Variants in CHRM3 observed in about 807,000 individuals in gnomAD.
CHRM3 encodes cholinergic receptor muscarinic 3, also known as muscarinic acetylcholine receptor M3.
CHRM3 carries 11 observed loss-of-function variants against 41.8 expected under a neutral mutation model. The observed-to-expected ratio is 0.26, with a 90% CI of 0.17 to 0.44. CHRM3 has a LOEUF of 0.44. CHRM3 is among the 20% of genes least tolerant of loss of function. The pLI, the probability that CHRM3 is intolerant of heterozygous loss-of-function variation, is 1.00. For missense variants in CHRM3, 571 were observed against 745.4 expected (o/e 0.77, Z 2.72); for synonymous variants, 297 against 301.4 (o/e 0.99, Z 0.15).
intron 5 of CHRM3, among the ~76,000 whole-genome samples, chr1:239,701,147 T>G (rs977886131): frequency 3.3e-5 from 5 of 152,228 alleles, no homozygotes; most frequent in African/African-American, 4.8e-5. Context: ...TCCACTCTTT[T>G]ACTTGTGCAG....
chr1:239,699,381 A>G (rs1453592629), intron 5 of CHRM3, among the ~76,000 whole-genome samples: 1 of 152,110 alleles, frequency 6.6e-6, no homozygotes, highest in Non-Finnish European at 1.5e-5. Context: ...GAGCCCTTAT[A>G]AGAAGAGATA....
At chr1:239,675,523 C>T (rs1045321085) in intron 4 of CHRM3, among the ~76,000 whole-genome samples, 2 of 152,046 alleles carry the variant, frequency 1.3e-5, no homozygotes, top group African/African-American at 2.4e-5. Flanking sequence ...TGTCTCATAC[C>T]CAGTGTCTGT....
In CHRM3 at chr1:239,518,761, A is replaced by G. The variant is rs1394296739; in HGVS notation, c.-422+25954A>G. On this transcript the variant is annotated intron_variant, in intron 2 of 6. Transcript: ENST00000676153. Reference sequence around the variant, plus strand: ...TGAAATCTCCTTGTCTGAAAGACAGAGGCATGGTGGCCAGGCTACCAAGGC... The same window carrying G: ...TGAAATCTCCTTGTCTGAAAGACAGGGGCATGGTGGCCAGGCTACCAAGGC... Among the ~76,000 whole-genome samples the G allele has an allele frequency of 5.9e-5, 9 of 152,218 alleles. No individual in the cohort carries two copies. In the East Asian group the frequency reaches 1.7e-3, roughly 29 times the overall value.
chr1:239,533,069 A>C (rs1335435412), intron 2 of CHRM3, among the ~76,000 whole-genome samples: 3 of 152,148 alleles, frequency 2.0e-5, no homozygotes, highest in Non-Finnish European at 2.9e-5. Flanking sequence ...AGGTCAAATA[A>C]CCTCAAGTTT....
chr1:239,841,432 C>G (rs1184040820), intron 6 of CHRM3, among the ~76,000 whole-genome samples: 1 of 152,094 alleles, frequency 6.6e-6, no homozygotes, highest in Non-Finnish European at 1.5e-5. Context: ...TCATTGTGTG[C>G]AGATTCGCAA....
chr1:239,488,781 A>G (rs116496568), intron 1 of CHRM3, among the ~76,000 whole-genome samples: 4,342 of 147,560 alleles, frequency 0.029, 161 homozygotes, highest in African/African-American at 0.084. Context: ...AGATGTTGAT[A>G]CAGGTATAAG....
intron 3 of CHRM3, among the ~76,000 whole-genome samples, chr1:239,627,723 G>C (rs1352622195): frequency 7.3e-6 from 1 of 137,680 alleles, no homozygotes; most frequent in African/African-American, 2.8e-5. Context: ...CTCAGCATTT[G>C]CTTGTCTATA....
intron 3 of CHRM3, among the ~76,000 whole-genome samples, chr1:239,604,117 C>T (rs1036009660): frequency 2.0e-5 from 3 of 152,142 alleles, no homozygotes; most frequent in Non-Finnish European, 4.4e-5. Context: ...ACATCTTCTT[C>T]TTTGTTGTTC....
intron 4 of CHRM3, among the ~76,000 whole-genome samples, chr1:239,637,352 G>A (rs944110596): frequency 2.4e-4 from 36 of 151,660 alleles, no homozygotes; most frequent in African/African-American, 7.5e-4. Flanking sequence ...AGTATTTCAC[G>A]TTAAAAATTT....
At chr1:239,870,479 A>G (rs762821772) in intron 6 of CHRM3, among the ~76,000 whole-genome samples, 4 of 152,192 alleles carry the variant, frequency 2.6e-5, no homozygotes, top group Non-Finnish European at 5.9e-5. Context: ...GGAGCGCTAG[A>G]CAGGCCAGCA....
chr1:239,776,517 C>T (rs543408431), intron 5 of CHRM3, among the ~76,000 whole-genome samples: 85 of 152,218 alleles, frequency 5.6e-4, no homozygotes, highest in African/African-American at 2.0e-3. Context: ...TCCTTATCCC[C>T]TGGCAGATAG....
At chr1:239,762,193 C>T (rs893556940) in intron 5 of CHRM3, among the ~76,000 whole-genome samples, 1 of 152,148 alleles carries the variant, frequency 6.6e-6, no homozygotes, top group African/African-American at 2.4e-5. Flanking sequence ...CTTTTCATCT[C>T]CTTTAATACT....
chr1:239,681,381 A>T, intron 5 of CHRM3, among the ~76,000 whole-genome samples: 1 of 152,236 alleles, frequency 6.6e-6, no homozygotes, highest in East Asian at 1.9e-4. Flanking sequence ...TCATAAATTC[A>T]AACCACATTG....
At chr1:239,642,254 T>C (rs924745366) in intron 4 of CHRM3, among the ~76,000 whole-genome samples, 1 of 150,466 alleles carries the variant, frequency 6.6e-6, no homozygotes, top group Non-Finnish European at 1.5e-5. Flanking sequence ...TTGGAGTTGC[T>C]CTTCTCGAGG....
At chr1:239,786,881 C>G (rs1454897390) in intron 5 of CHRM3, among the ~76,000 whole-genome samples, 2 of 152,122 alleles carry the variant, frequency 1.3e-5, no homozygotes, top group Non-Finnish European at 2.9e-5. Flanking sequence ...CATGGAAAAT[C>G]CTGTAGCGAA....
chr1:239,820,123 G>T (rs981885931), intron 5 of CHRM3, among the ~76,000 whole-genome samples: 1 of 152,136 alleles, frequency 6.6e-6, no homozygotes, highest in East Asian at 1.9e-4. Flanking sequence ...CAGAAGGTTC[G>T]CTGAAAAATC....
At chr1:239,814,202 T>A (rs1572380690) in intron 5 of CHRM3, among the ~76,000 whole-genome samples, 1 of 152,302 alleles carries the variant, frequency 6.6e-6, no homozygotes, top group East Asian at 1.9e-4. Flanking sequence ...AACTTTAGTG[T>A]GGGTTCTCCC....
At chr1:239,766,812 A>G (rs1221230536) in intron 5 of CHRM3, among the ~76,000 whole-genome samples, 1 of 152,092 alleles carries the variant, frequency 6.6e-6, no homozygotes, top group East Asian at 1.9e-4. Context: ...CGTGGGTTCT[A>G]ATGATTCTCC....
Position 239,618,801 on chromosome 1 carries a change from G to A in CHRM3, c.-312-13423G>A, listed in dbSNP as rs542838660. Among the ~76,000 whole-genome samples the A allele has an allele frequency of 5.2e-3, 705 of 136,750 alleles. 3 individuals are homozygous for A. Among genetic ancestry groups the A allele is most frequent in the Non-Finnish European group, 8.8e-3 (572 of 64,728 alleles). The allele number at this position is 136,750 out of a possible 152,430, so 89.7% of individuals were successfully genotyped here. A position where few individuals can be genotyped will look rare whatever the true frequency, so the allele number is the denominator to read the frequency against. On this transcript the variant is annotated intron_variant, in intron 3 of 6. Coordinates refer to ENST00000676153, the MANE Select transcript of CHRM3 (RefSeq NM_001375978.1). The stretch of plus-strand genomic sequence containing the variant: ...GGAGCTTGCAGTGAGCCGAGATCGC[G>A]CCCCTGCACTCCAGCCTGGGAGACA...
Sources: allele counts gnomAD v4.1 joint callset (sites outside exome capture counted in the v4.1 genomes callset), GRCh38; gene constraint gnomAD v4.1.1; transcripts MANE v1.5; gene names NCBI Gene and HGNC (gene_info 2026-07-23, HGNC 2026-07-21).